The following TAF3 variants were observed in gnomAD, a reference collection of about 807,000 sequenced individuals.
TAF3 encodes the protein transcription initiation factor TFIID subunit 3.
Under a neutral mutation model 80.6 loss-of-function variants are expected in TAF3, and 7 were observed. The ratio of observed to expected loss-of-function variants is 0.09; its 90% CI spans 0.05 to 0.16. The LOEUF (loss-of-function observed/expected upper bound fraction) is 0.16. Ranked by LOEUF, TAF3 falls within the 10% of genes least tolerant of loss-of-function variation. The pLI, the probability that TAF3 is intolerant of heterozygous loss-of-function variation, is 1.00. For synonymous variants in TAF3, 444 were observed against 446.1 expected (o/e 1.00, Z 0.06); for missense variants, 921 against 1,140.2 (o/e 0.81, Z 2.77).
chr10:7,910,661 G>T (rs528213752), intron 2 of TAF3, among the ~76,000 whole-genome samples: 1 of 152,174 alleles, frequency 6.6e-6, no homozygotes, highest in African/African-American at 2.4e-5. Context: ...GATTACAGGT[G>T]TGAGCCACCG....
Position 7,965,031 on chromosome 10 carries a change from G to T in TAF3, c.1521G>T (p.Lys507Asn). 6.2e-7 allele frequency: 1 copy of T among 1,613,900 alleles called. No individual in the cohort carries two copies. The highest frequency in any genetic ancestry group is 8.5e-7 in the Non-Finnish European group (1 of 1,180,014). ...VSPPTPEPLH[K>N]VYEEKTKLPS... The stretch of plus-strand genomic sequence containing the variant: ...CTCCCACTCCCGAACCTCTCCACAA[G>T]GTGTATGAGGAGAAAACCAAGCTGC... The change falls in exon 3 of 7, where the codon AAG (lysine) becomes AAT (asparagine). Residue 507 changes from lysine (K) to asparagine (N), a missense_variant. By Grantham distance (94) the Lys-to-Asn change is moderately conservative. This residue lies in a region of TAF3 where 743 missense variants were observed against 821.0 expected (regional missense o/e 0.90). Transcript: ENST00000344293.
At position 7,957,671 on chromosome 10, in the gene TAF3, G is replaced by A. The variant is rs114129893; in HGVS notation, c.410-6249G>A. ...TTGTTTCTCACATATGTACAGAAGA[G>A]TCCTTTTCTCCCGTTTCAGAACACT... On this transcript the variant is annotated intron_variant, in intron 2 of 6. Coordinates refer to ENST00000344293, the MANE Select transcript of TAF3 (RefSeq NM_031923.4). Among the ~76,000 whole-genome samples the A allele has an allele frequency of 4.9e-3, 748 of 151,984 alleles. 4 individuals carry two copies. The highest frequency in any genetic ancestry group is 0.017 in the African/African-American group (710 of 41,442).
At chr10:7,992,441 C>T (rs1344597113) in intron 4 of TAF3, among the ~76,000 whole-genome samples, 2 of 151,914 alleles carry the variant, frequency 1.3e-5, no homozygotes, top group East Asian at 1.9e-4. Flanking sequence ...TCACAGTAGA[C>T]GGTAGGAAGT....
chr10:7,952,639 G>A (rs994450281), intron 2 of TAF3, among the ~76,000 whole-genome samples: 1 of 152,090 alleles, frequency 6.6e-6, no homozygotes, highest in African/African-American at 2.4e-5. Context: ...GTTTTTTATT[G>A]TGCAGAATGT....
chr10:7,837,302 G>T (rs1442021418), intron 2 of TAF3, among the ~76,000 whole-genome samples: 1 of 150,368 alleles, frequency 6.7e-6, no homozygotes, highest in Non-Finnish European at 1.5e-5. Context: ...GGTGGAGGTT[G>T]CAGTGAGCCG....
intron 2 of TAF3, among the ~76,000 whole-genome samples, chr10:7,946,616 G>C (rs1245881301): frequency 2.0e-5 from 3 of 152,138 alleles, no homozygotes; most frequent in Non-Finnish European, 4.4e-5. Flanking sequence ...CCAGCTACTT[G>C]GAATGCTGAG....
intron 2 of TAF3, among the ~76,000 whole-genome samples, chr10:7,933,098 C>CAA (rs34660241): frequency 1.5e-3 from 217 of 148,740 alleles, no homozygotes; most frequent in African/African-American, 5.1e-3. Context: ...ATAAAGCAAA[C>CAA]AAAAAAAAAA....
intron 2 of TAF3, among the ~76,000 whole-genome samples, chr10:7,881,432 A>G (rs1036598105): frequency 1.3e-5 from 2 of 152,072 alleles, no homozygotes; most frequent in African/African-American, 2.4e-5. Flanking sequence ...TCTCTTTAAA[A>G]GGACAATAGT....
intron 4 of TAF3, among the ~76,000 whole-genome samples, chr10:7,991,930 C>T (rs992568886): frequency 3.9e-5 from 6 of 152,128 alleles, no homozygotes; most frequent in African/African-American, 1.4e-4. Context: ...CACTGCATAT[C>T]ATCTTATTAC....
In TAF3 at chr10:7,964,145, C is replaced by A; in HGVS notation, c.635C>A (p.Ala212Asp). The A allele has an allele frequency of 6.2e-7, 1 of 1,614,134 alleles. No individual in the cohort carries two copies. The highest frequency in any genetic ancestry group is 8.5e-7 in the Non-Finnish European group (1 of 1,180,034). Residue 212 changes from alanine to aspartate, a missense_variant, in exon 3 of 7, where the codon GCT becomes GAT. Physicochemically the swap from Ala to Asp is moderately radical, Grantham distance 126. Coordinates refer to ENST00000344293, the MANE Select transcript of TAF3 (RefSeq NM_031923.4). This position sits in a 1 kb window ranked among gnomAD's most constrained non-coding sequence, Gnocchi z 4.1. Reference protein sequence around the residue: ...GDTLDVVLLEAREPLSSINTQ... With the variant: ...GDTLDVVLLEDREPLSSINTQ... ...ACGCTAGATGTTGTGTTATTGGAAG[C>A]TCGAGAGCCACTCAGCTCAATAAAT...
At chr10:7,942,285 C>T (rs1837983478) in intron 2 of TAF3, among the ~76,000 whole-genome samples, 1 of 152,156 alleles carries the variant, frequency 6.6e-6, no homozygotes, top group African/African-American at 2.4e-5. Context: ...TATTACTTAT[C>T]TGAAAAGATA....
chr10:7,881,604 A>G (rs915719749), intron 2 of TAF3, among the ~76,000 whole-genome samples: 1 of 152,204 alleles, frequency 6.6e-6, no homozygotes, highest in African/African-American at 2.4e-5. Flanking sequence ...ACAAATAAAA[A>G]GAGCAAGACA....
intron 5 of TAF3, among the ~76,000 whole-genome samples, chr10:8,012,057 G>A (rs777034214): frequency 6.6e-6 from 1 of 152,098 alleles, no homozygotes; most frequent in Non-Finnish European, 1.5e-5. Context: ...TGTGCCTGTA[G>A]TCTCAACTAC....
At position 7,859,058 on chromosome 10, in the gene TAF3, C is replaced by T. The variant is rs1185791092; in HGVS notation, c.409+34498C>T. Among the ~76,000 whole-genome samples the T allele has an allele frequency of 5.3e-5, 8 of 152,034 alleles. No homozygotes were observed. In the South Asian group the frequency reaches 1.7e-3, roughly 32 times the overall value. On this transcript the variant is annotated intron_variant, in intron 2 of 6. Coordinates refer to ENST00000344293, the MANE Select transcript of TAF3 (RefSeq NM_031923.4). The stretch of plus-strand genomic sequence containing the variant: ...CGGGCAGATCACGAGGTCAGGAGAT[C>T]GAGACCATCCTGGCTAACACGGTGA...
chr10:7,846,119 T>C lies in TAF3; in HGVS notation c.409+21559T>C, dbSNP rs150937201. Among the ~76,000 whole-genome samples the C allele has an allele frequency of 5.3e-3, 803 of 152,080 alleles. 6 individuals are homozygous for C. The highest frequency in any genetic ancestry group is 0.017 in the African/African-American group (697 of 41,488). ...GACTACAGGCGCCCGCCACCACGCC[T>C]AGCTAATTTTTTGTGTTTTGGTAGA... On this transcript the variant is annotated intron_variant, in intron 2 of 6. Transcript: ENST00000344293.
chr10:7,999,278 A>G (rs111549138), intron 4 of TAF3, among the ~76,000 whole-genome samples: 3,369 of 152,244 alleles, frequency 0.022, 54 homozygotes, highest in Non-Finnish European at 0.033. Flanking sequence ...GACAAGATAC[A>G]AATCTTACTC....
intron 2 of TAF3, among the ~76,000 whole-genome samples, chr10:7,894,066 A>G (rs1837483110): frequency 6.6e-6 from 1 of 152,174 alleles, no homozygotes. Flanking sequence ...TTTTATTAGT[A>G]CTAAAATTAT....
chr10:7,866,947 G>C (rs1837220287), intron 2 of TAF3, among the ~76,000 whole-genome samples: 1 of 152,156 alleles, frequency 6.6e-6, no homozygotes, highest in African/African-American at 2.4e-5. Flanking sequence ...ATTCCAAACT[G>C]AGGAAAGCAG....
Position 7,964,129 on chromosome 10 carries a change from G to A in TAF3, c.619G>A (p.Val207Ile). ...AAGCACTAAAGGGGACACGCTAGATGTTGTGTTATTGGAAGCTCGAGAGCC... is the reference window on the plus strand; with the variant it reads ...AAGCACTAAAGGGGACACGCTAGATATTGTGTTATTGGAAGCTCGAGAGCC... ...LLSTKGDTLD[V>I]VLLEAREPLS... The change falls in exon 3 of 7, where the codon GTT (valine) becomes ATT (isoleucine). Residue 207 changes from valine to isoleucine, a missense_variant. Around this residue, in one of 6 missense-constraint regions of TAF3, gnomAD observed 743 missense variants for 821.0 expected, o/e 0.90. Coordinates refer to ENST00000344293, the MANE Select transcript of TAF3 (RefSeq NM_031923.4). This position sits in a 1 kb window ranked among gnomAD's most constrained non-coding sequence, Gnocchi z 4.1. 19 of 1,614,110 alleles carry A rather than the reference G, an allele frequency of 1.2e-5. No homozygotes were observed. The highest frequency in any genetic ancestry group is 1.5e-5 in the Non-Finnish European group (18 of 1,180,014).
Sources: gnomAD v4.1 joint callset for allele counts (sites outside exome capture counted in the v4.1 genomes callset) on GRCh38, gnomAD v4.1.1 for gene constraint, gnomAD v4.1.1 regional missense constraint, Gnocchi (gnomAD v3.1) non-coding constraint, MANE v1.5 for transcripts, NCBI Gene and HGNC (gene_info 2026-07-23, HGNC 2026-07-21) for gene names.